The following ARHGAP22 variants were observed in gnomAD, a reference collection of about 807,000 sequenced individuals.
ARHGAP22 encodes the protein rho GTPase-activating protein 22.
ARHGAP22 carries 48 observed loss-of-function variants against 59.1 expected under a neutral mutation model. The observed-to-expected ratio is 0.81, with a 90% CI of 0.64 to 1.03. The LOEUF is 1.03. Ranked by LOEUF, ARHGAP22 falls within the 50% of genes least tolerant of loss-of-function variation. The pLI, the probability that ARHGAP22 is intolerant of heterozygous loss-of-function variation, is 0.00. For missense variants in ARHGAP22, 1,015 were observed against 958.7 expected, an observed-to-expected ratio of 1.06 and a Z score of -0.78; for synonymous variants, 445 against 416.4, an observed-to-expected ratio of 1.07 and a Z score of -0.84.
intron 8 of ARHGAP22, 34 bp from the exon 9 acceptor site, chr10:48,451,174 G>T: frequency 1.3e-6 from 2 of 1,550,390 alleles, no homozygotes; most frequent in South Asian, 2.4e-5. Flanking sequence ...GGGCCTTGCT[G>T]CCAGCCACTC....
intron 3 of ARHGAP22, chr10:48,533,051 C>T (rs2086422759): frequency 6.6e-6 from 1 of 152,144 alleles, no homozygotes; most frequent in South Asian, 2.1e-4. Context: ...TGCATGGAAG[C>T]CAACTGCTTT....
chr10:48,432,366 A>G, the ARHGAP22 span, among the ~76,000 whole-genome samples: 1 of 152,160 alleles, frequency 6.6e-6, no homozygotes, highest in South Asian at 2.1e-4. Flanking sequence ...ATTTTTGGTT[A>G]TATATTTTAG....
chr10:48,440,556 G>A, the ARHGAP22 span, among the ~76,000 whole-genome samples: 1 of 152,166 alleles, frequency 6.6e-6, no homozygotes, highest in Non-Finnish European at 1.5e-5. Context: ...CAGGCTGAAG[G>A]AAAGGCAAGC....
intron 3 of ARHGAP22, among the ~76,000 whole-genome samples, chr10:48,487,185 C>CA (rs1173281409): frequency 2.6e-5 from 4 of 152,108 alleles, no homozygotes; most frequent in African/African-American, 9.7e-5. Context: ...ATGTATATTA[C>CA]ACAACTTAAG....
At position 48,582,983 on chromosome 10, in the gene ARHGAP22, G is replaced by A. The variant is rs772254377; in HGVS notation, c.204C>T (p.Tyr68=). 6.2e-7 allele frequency: 1 copy of A among 1,614,238 alleles called. No individual in the cohort carries two copies. Among genetic ancestry groups the A allele is most frequent in the Non-Finnish European group, 8.5e-7 (1 of 1,180,040 alleles). Residue 68 remains tyrosine (Y), a synonymous_variant, in exon 2 of 10, where the codon TAC becomes TAT. Coordinates refer to ENST00000249601, the MANE Select transcript of ARHGAP22 (RefSeq NM_021226.4). ...GCTTGATCTCATCTTTGTCCTTGTA[G>A]TAGAAAAGCTGATCCCCACGCAGCA... ...WFVLRGDQLF[Y]YKDKDEIKPQ...
intron 3 of ARHGAP22, among the ~76,000 whole-genome samples, chr10:48,535,467 T>A (rs1205639326): frequency 6.6e-6 from 1 of 152,154 alleles, no homozygotes; most frequent in Non-Finnish European, 1.5e-5. Flanking sequence ...TCAAGGGATT[T>A]TAGGAGCTGG....
chr10:48,656,265 T>TGGGGGGGG (rs760924651), upstream of ARHGAP22: 10 of 101,646 alleles, frequency 9.8e-5, no homozygotes, highest in East Asian at 3.0e-4. Flanking sequence ...TCGGCGCCTC[T>TGGGGGGGG]GGGGGGGGGG....
intron 3 of ARHGAP22, among the ~76,000 whole-genome samples, chr10:48,486,770 T>C (rs1475707442): frequency 1.3e-5 from 2 of 152,228 alleles, no homozygotes; most frequent in Non-Finnish European, 2.9e-5. Flanking sequence ...TAACATTTCT[T>C]GGAGTATGCA....
At position 48,467,000 on chromosome 10, in the gene ARHGAP22, TGGAGGTCCAG is replaced by T. The variant is rs2047783863; in HGVS notation, c.452-7119_452-7110del. Among the ~76,000 whole-genome samples the T allele has an allele frequency of 2.6e-5, 4 of 152,186 alleles. No individual in the cohort carries two copies. The South Asian group carries it at 8.3e-4, about 31-fold the overall frequency. ...GAAGCAGGTGTTCCAGGTGAGGCAA[TGGAGGTCCAG>T]GGAGGTTAGGTAACTGAGTCTGGGT... On this transcript the variant is annotated intron_variant, in intron 4 of 9. Coordinates refer to ENST00000249601, the MANE Select transcript of ARHGAP22 (RefSeq NM_021226.4).
intron 5 of ARHGAP22, among the ~76,000 whole-genome samples, chr10:48,456,562 C>G (rs2046533839): frequency 6.6e-6 from 1 of 152,172 alleles, no homozygotes; most frequent in African/African-American, 2.4e-5. Context: ...TCAGTGGCAG[C>G]CTGAGTGGAG....
chr10:48,507,304 C>T (rs996313907), intron 3 of ARHGAP22, among the ~76,000 whole-genome samples: 5 of 152,202 alleles, frequency 3.3e-5, no homozygotes, highest in African/African-American at 7.2e-5. Flanking sequence ...ATGAGCCAAA[C>T]GACTGACCTT....
At chr10:48,545,628 G>T (rs2056365931) in intron 3 of ARHGAP22, among the ~76,000 whole-genome samples, 1 of 152,192 alleles carries the variant, frequency 6.6e-6, no homozygotes, top group Non-Finnish European at 1.5e-5. Flanking sequence ...TGTGATCAGG[G>T]ATGCTCTGGG....
intron 1 of ARHGAP22, among the ~76,000 whole-genome samples, chr10:48,628,178 C>T (rs1443076177): frequency 1.3e-5 from 2 of 152,214 alleles, no homozygotes; most frequent in African/African-American, 4.8e-5. Context: ...GTTCTGCACT[C>T]ACGCAGTCTC....
chr10:48,556,641 G>T (rs1189298598), intron 2 of ARHGAP22: 1 of 152,220 alleles, frequency 6.6e-6, no homozygotes, highest in African/African-American at 2.4e-5. Context: ...CTGTGAAACA[G>T]GAATAATAAA....
upstream of ARHGAP22, among the ~76,000 whole-genome samples, chr10:48,653,292 C>G: frequency 6.6e-6 from 1 of 152,230 alleles, no homozygotes; most frequent in East Asian, 1.9e-4. Context: ...AAAGATAAAA[C>G]AAGCATAGCC....
chr10:48,573,186 G>T (rs2058503933), intron 2 of ARHGAP22, among the ~76,000 whole-genome samples: 1 of 152,186 alleles, frequency 6.6e-6, no homozygotes, highest in Non-Finnish European at 1.5e-5. Context: ...TGTGTTGAAT[G>T]ATTTGCTAAA....
chr10:48,531,303 T>C (rs2134948445), intron 3 of ARHGAP22, among the ~76,000 whole-genome samples: 1 of 152,264 alleles, frequency 6.6e-6, no homozygotes, highest in East Asian at 1.9e-4. Flanking sequence ...GATAAAAGAC[T>C]ACACATTGGG....
Position 48,650,881 on chromosome 10 carries a change from C to T in ARHGAP22, c.52+1353G>A, listed in dbSNP as rs1030684513. ...TATTTTCTCCTGTGGAAAGTGAGAT[C>T]CAGGGAAGTTGACAGTGTGAGAAGT... On this transcript the variant is annotated intron_variant, in intron 1 of 9. Coordinates refer to the ARHGAP22 transcript ENST00000435790. 2.0e-5 allele frequency among the ~76,000 whole-genome samples: 3 copies of T among 152,140 alleles called. No individual in the cohort carries two copies. The East Asian group carries it at 5.8e-4, about 29-fold the overall frequency.
At chr10:48,551,024 G>A (rs776610482) in intron 3 of ARHGAP22, among the ~76,000 whole-genome samples, 3 of 152,204 alleles carry the variant, frequency 2.0e-5, no homozygotes, top group Non-Finnish European at 4.4e-5. Flanking sequence ...GGGTGTGCTG[G>A]CATAGATAGG....
Sources: allele counts gnomAD v4.1 joint callset (sites outside exome capture counted in the v4.1 genomes callset), GRCh38; gene constraint gnomAD v4.1.1; transcripts MANE v1.5; gene names NCBI Gene and HGNC (gene_info 2026-07-23, HGNC 2026-07-21).